Variants in SELENOI observed in about 807,000 individuals in gnomAD.
SELENOI encodes the protein ethanolaminephosphotransferase 1.
SELENOI carries 24 observed loss-of-function variants against 50.7 expected under a neutral mutation model. The ratio of observed to expected loss-of-function variants is 0.47; its 90% CI spans 0.34 to 0.67. The LOEUF is 0.67. Ranked by LOEUF, SELENOI falls within the 30% of genes least tolerant of loss-of-function variation. The probability of loss-of-function intolerance (pLI) is 0.01; values close to 1 mark genes in which losing one functional copy is unlikely to be tolerated. For synonymous variants in SELENOI, 155 were observed against 170.2 expected (o/e 0.91, Z 0.70); for missense variants, 352 against 461.4 (o/e 0.76, Z 2.17).
chr2:26,375,615 G>A (rs1330775382), intron 6 of SELENOI, among the ~76,000 whole-genome samples: 1 of 152,072 alleles, frequency 6.6e-6, no homozygotes, highest in African/African-American at 2.4e-5. Flanking sequence ...ATTTTTTATG[G>A]TGGTAATCTT....
At chr2:26,376,281 T>C (rs1677565702) in intron 6 of SELENOI, among the ~76,000 whole-genome samples, 1 of 152,174 alleles carries the variant, frequency 6.6e-6, no homozygotes, top group Non-Finnish European at 1.5e-5. Context: ...AGGAACTATC[T>C]TGAAATCTAT....
intron 1 of SELENOI, among the ~76,000 whole-genome samples, chr2:26,355,350 A>G (rs527856828): frequency 1.3e-5 from 2 of 152,030 alleles, no homozygotes; most frequent in Admixed American, 1.3e-4. Flanking sequence ...TTGGCTTCAG[A>G]TTTCTTCTGA....
chr2:26,349,860 C>T (rs1467844625), intron 1 of SELENOI, among the ~76,000 whole-genome samples: 1 of 139,890 alleles, frequency 7.1e-6, no homozygotes, highest in Admixed American at 7.8e-5. Context: ...GTAATCCCAA[C>T]ACTTCCGGAG....
intron 1 of SELENOI, among the ~76,000 whole-genome samples, chr2:26,353,633 G>T (rs1299137363): frequency 6.6e-6 from 1 of 152,188 alleles, no homozygotes; most frequent in African/African-American, 2.4e-5. Context: ...AGTTGTCTTA[G>T]ATAGTGATTT....
At chr2:26,375,827 C>T (rs1677555953) in intron 6 of SELENOI, among the ~76,000 whole-genome samples, 1 of 152,078 alleles carries the variant, frequency 6.6e-6, no homozygotes, top group Admixed American at 6.5e-5. Flanking sequence ...AAAAAATAGG[C>T]CACACACAGT....
intron 1 of SELENOI, among the ~76,000 whole-genome samples, chr2:26,347,958 G>A (rs576169869): frequency 6.6e-6 from 1 of 152,202 alleles, no homozygotes; most frequent in South Asian, 2.1e-4. Flanking sequence ...AACAAAGGTC[G>A]ATTTAGCAAG....
intron 1 of SELENOI, among the ~76,000 whole-genome samples, chr2:26,351,570 G>A (rs920771993): frequency 6.6e-6 from 1 of 152,230 alleles, no homozygotes; most frequent in African/African-American, 2.4e-5. Context: ...GCAATGGAGT[G>A]TAAAGTGATG....
chr2:26,376,627 G>GC (rs1169742288), intron 6 of SELENOI, among the ~76,000 whole-genome samples: 1 of 152,158 alleles, frequency 6.6e-6, no homozygotes, highest in Non-Finnish European at 1.5e-5. Context: ...CCCCTGCTTA[G>GC]CCCCCGGGTT....
Position 26,383,315 on chromosome 2 carries a change from G to T in SELENOI, c.699G>T (p.Val233=). 1 of 1,538,904 alleles carries T rather than the reference G, an allele frequency of 6.5e-7. No homozygotes were observed. The highest frequency in any genetic ancestry group is 1.2e-5 in the South Asian group (1 of 83,418). ...TAMIIGCALC[V]TLPMSLLNFF... Reference sequence around the variant, plus strand: ...TCCCTTTAGGTTGTGCATTATGTGTGACTCTTCCAATGAGTTTATTAAACT... The same window carrying T: ...TCCCTTTAGGTTGTGCATTATGTGTTACTCTTCCAATGAGTTTATTAAACT... The change falls in exon 7 of 10, where the codon GTG becomes GTT. Residue 233 remains valine, a synonymous_variant. Transcript: ENST00000260585.
chr2:26,361,411 G>A (rs2147948324), intron 1 of SELENOI, among the ~76,000 whole-genome samples: 1 of 152,286 alleles, frequency 6.6e-6, no homozygotes, highest in East Asian at 1.9e-4. Flanking sequence ...CAACAACTAA[G>A]AATAAAACAA....
chr2:26,366,964 A>T (rs1574755497), intron 3 of SELENOI, among the ~76,000 whole-genome samples, 182 bp from the exon 4 acceptor site: 1 of 152,142 alleles, frequency 6.6e-6, no homozygotes. Flanking sequence ...ACAGGCTGGG[A>T]TGTTGCTTTT....
At chr2:26,377,653 C>T (rs1415603634) in intron 6 of SELENOI, among the ~76,000 whole-genome samples, 2 of 151,968 alleles carry the variant, frequency 1.3e-5, no homozygotes, top group Non-Finnish European at 2.9e-5. Flanking sequence ...AGTTATTGTA[C>T]TTTTCAGCTG....
chr2:26,383,519 T>C (rs1267640137), intron 7 of SELENOI, among the ~76,000 whole-genome samples, 172 bp downstream of exon 7: 2 of 152,310 alleles, frequency 1.3e-5, no homozygotes, highest in South Asian at 2.1e-4. Context: ...TGGTGGCTAA[T>C]GTAGTCATTT....
rs1437639055 is a variant in SELENOI at position 26,374,898 on chromosome 2, A to G, written c.574-142A>G. On this transcript the variant is annotated intron_variant, in intron 5 of 9. Coordinates refer to ENST00000260585, the MANE Select transcript of SELENOI (RefSeq NM_033505.4). ...AGATTGTATTTTTAAAGGTAAGAAG[A>G]CTTGCCACATACCAAATATAAGCAT... 25 of 585,154 alleles carry G rather than the reference A, an allele frequency of 4.3e-5. No homozygotes were observed. In the East Asian group the frequency reaches 7.3e-4, roughly 17 times the overall value. The allele number at this position is 585,154 out of a possible 1,614,324, so 36.2% of individuals were successfully genotyped here.
chr2:26,381,749 T>C (rs997550586), intron 6 of SELENOI, among the ~76,000 whole-genome samples: 1 of 152,220 alleles, frequency 6.6e-6, no homozygotes, highest in Non-Finnish European at 1.5e-5. Flanking sequence ...TTGGGGAACT[T>C]TGTTCTACTT....
chr2:26,372,248 G>A (rs1677473231), intron 4 of SELENOI, among the ~76,000 whole-genome samples: 1 of 152,148 alleles, frequency 6.6e-6, no homozygotes, highest in Non-Finnish European at 1.5e-5. Flanking sequence ...GAGTAGCTGG[G>A]ATTACAGGTG....
chr2:26,361,763 C>T (rs1026259627), intron 1 of SELENOI, among the ~76,000 whole-genome samples: 1 of 152,064 alleles, frequency 6.6e-6, no homozygotes. Flanking sequence ...AAACGATTCT[C>T]CTGCCTCAGC....
chr2:26,383,181 AC>A (rs2147961729), intron 6 of SELENOI, 117 bp from the exon 7 acceptor site: 1 of 585,548 alleles, frequency 1.7e-6, no homozygotes, highest in East Asian at 3.2e-5. Flanking sequence ...ATTTTATTAC[AC>A]AAGTAAACTT....
rs1677975770 is a variant in SELENOI, at chr2:26,391,767, G to A, written c.*2664G>A. The A allele has an allele frequency of 6.6e-6, 1 of 152,084 alleles. No homozygotes were observed. Among genetic ancestry groups the A allele is most frequent in the Admixed American group, 6.6e-5 (1 of 15,254 alleles). The allele number at this position is 152,084 out of a possible 1,614,324, so 9.4% of individuals were successfully genotyped here. ...TAATAATTCTCCTATATTTGAGGGG[G>A]GCATGGGATAAAAAGATTTAATAAT... is the stretch of plus-strand genomic sequence containing the variant. On this transcript the variant is annotated 3_prime_UTR_variant, in exon 10 of 10. Transcript: ENST00000260585.
Sources: allele counts gnomAD v4.1 joint callset (sites outside exome capture counted in the v4.1 genomes callset), GRCh38; gene constraint gnomAD v4.1.1; transcripts MANE v1.5; gene names NCBI Gene and HGNC (gene_info 2026-07-23, HGNC 2026-07-21).